The following KIAA0825 variants were observed in gnomAD, a reference collection of about 807,000 sequenced individuals.
The protein encoded by KIAA0825 is uncharacterized protein KIAA0825.
A neutral mutation model predicts 147.6 loss-of-function variants in KIAA0825; 119 were observed. That is an observed-to-expected ratio of 0.81 (90% CI 0.69 to 0.94). The LOEUF (loss-of-function observed/expected upper bound fraction) is 0.94. Ranked by LOEUF, KIAA0825 falls within the 40% of genes least tolerant of loss-of-function variation. The pLI is 0.00. For missense variants in KIAA0825, 1,381 were observed against 1,472.7 expected (o/e 0.94, Z 1.02); for synonymous variants, 470 against 518.1 (o/e 0.91, Z 1.26).
chr5:94,153,876 G>A lies in KIAA0825; in HGVS notation c.*131C>T, dbSNP rs2149898763. 2 of 614,584 alleles carry A rather than the reference G, an allele frequency of 3.3e-6. No homozygotes were observed. The highest frequency in any genetic ancestry group is 2.9e-6 in the Non-Finnish European group (1 of 342,946). 38.1% of individuals were successfully genotyped at this position (614,584 alleles called of 1,614,324 possible). A position where few individuals can be genotyped will look rare whatever the true frequency, so the allele number is the denominator to read the frequency against. ...CCTTTATGTGCTGTATTCCTTTTCA[G>A]TACAGAGATTACTCAGTCATTGGTT... is the stretch of plus-strand genomic sequence containing the variant. On this transcript the variant is annotated 3_prime_UTR_variant, in exon 21 of 21. Coordinates refer to ENST00000682413, the MANE Select transcript of KIAA0825 (RefSeq NM_001145678.3).
chr5:94,456,268 C>A (rs1354377586), intron 12 of KIAA0825, among the ~76,000 whole-genome samples: 1 of 152,148 alleles, frequency 6.6e-6, no homozygotes, highest in African/African-American at 2.4e-5. Flanking sequence ...CCACTTCATT[C>A]CTCTAAGAAT....
chr5:94,259,802 A>G (rs186218555), intron 20 of KIAA0825, among the ~76,000 whole-genome samples: 12 of 151,894 alleles, frequency 7.9e-5, no homozygotes, highest in African/African-American at 2.9e-4. Context: ...AAAATCTATC[A>G]TATAAATATA....
At position 94,473,420 on chromosome 5, in the gene KIAA0825, T is replaced by G; in HGVS notation, c.1327A>C (p.Ile443Leu). 1 of 1,552,028 alleles carries G rather than the reference T, an allele frequency of 6.4e-7. No homozygotes were observed. The highest frequency in any genetic ancestry group is 8.7e-7 in the Non-Finnish European group (1 of 1,147,054). ...CTTTCATTCTGTTCCTGTTGGAGAA[T>G]TTTTGTGGAAAAACCTTCAATTGCA... ...VTAIEGFSTK[I>L]LQQEQNERSS... The change falls in exon 8 of 21, where the codon ATT (isoleucine) becomes CTT (leucine). Residue 443 changes from isoleucine (I) to leucine (L), a missense_variant. Physicochemically the swap from Ile to Leu is conservative, Grantham distance 5. Coordinates refer to ENST00000682413, the MANE Select transcript of KIAA0825 (RefSeq NM_001145678.3).
intron 20 of KIAA0825, among the ~76,000 whole-genome samples, chr5:94,294,493 C>G (rs1283886312): frequency 6.6e-6 from 1 of 152,198 alleles, no homozygotes; most frequent in African/African-American, 2.4e-5. Flanking sequence ...TTTGGGAGGC[C>G]AAGGTGGGTG....
At chr5:94,499,686 G>C (rs765599310) in intron 5 of KIAA0825, among the ~76,000 whole-genome samples, 43 of 151,450 alleles carry the variant, frequency 2.8e-4, no homozygotes, top group Non-Finnish European at 5.4e-4. Context: ...AAGTCGTTTG[G>C]CTGGCTAGTA....
chr5:94,522,412 G>A (rs1768395544), intron 4 of KIAA0825, among the ~76,000 whole-genome samples: 1 of 151,602 alleles, frequency 6.6e-6, no homozygotes, highest in South Asian at 2.1e-4. Context: ...TCATACTGGT[G>A]CCTCTGCCTT....
At chr5:94,266,003 T>C (rs1357656277) in intron 20 of KIAA0825, among the ~76,000 whole-genome samples, 3 of 152,164 alleles carry the variant, frequency 2.0e-5, no homozygotes, top group Non-Finnish European at 2.9e-5. Context: ...AGAGGAAAAG[T>C]ACTTGTGTGA....
At chr5:94,175,115 C>T (rs926033685) in intron 20 of KIAA0825, among the ~76,000 whole-genome samples, 4 of 152,182 alleles carry the variant, frequency 2.6e-5, no homozygotes, top group Non-Finnish European at 5.9e-5. Flanking sequence ...TCTCAGATCA[C>T]TGGTACTTTC....
rs1489054257 is a variant in KIAA0825, at chr5:94,214,095, A to T, written c.3711-59971T>A. Among the ~76,000 whole-genome samples the T allele has an allele frequency of 2.6e-5, 4 of 152,094 alleles. No homozygotes were observed. The East Asian group carries it at 7.7e-4, about 29-fold the overall frequency. ...GGTCTCAAACTCCTGGCGTCAAGGG[A>T]TCCACCTGCATCAGCCTCCCAAAAT... On this transcript the variant is annotated intron_variant, in intron 20 of 20. Coordinates refer to ENST00000682413, the MANE Select transcript of KIAA0825 (RefSeq NM_001145678.3).
chr5:94,605,375 A>G (rs1226409790), intron 1 of KIAA0825, among the ~76,000 whole-genome samples: 1 of 152,172 alleles, frequency 6.6e-6, no homozygotes, highest in Middle Eastern at 3.2e-3. Flanking sequence ...AAACTATTTC[A>G]AAAAATTGAA....
chr5:94,598,504 T>C (rs1436547364), intron 1 of KIAA0825, among the ~76,000 whole-genome samples: 2 of 152,146 alleles, frequency 1.3e-5, no homozygotes, highest in African/African-American at 2.4e-5. Flanking sequence ...GGGAAGCTGT[T>C]AACTGTTTTA....
At chr5:94,491,342 T>C (rs1412813643) in intron 5 of KIAA0825, among the ~76,000 whole-genome samples, 1 of 152,118 alleles carries the variant, frequency 6.6e-6, no homozygotes, top group Non-Finnish European at 1.5e-5. Context: ...AATATTATAA[T>C]ATGAAGTCAG....
intron 4 of KIAA0825, among the ~76,000 whole-genome samples, chr5:94,523,535 G>A (rs989581302): frequency 6.6e-6 from 1 of 151,278 alleles, no homozygotes; most frequent in African/African-American, 2.4e-5. Flanking sequence ...CAATACATGG[G>A]GATCTTATTA....
chr5:94,201,391 TA>T (rs1463250885), intron 20 of KIAA0825, among the ~76,000 whole-genome samples: 1 of 151,838 alleles, frequency 6.6e-6, no homozygotes, highest in African/African-American at 2.4e-5. Context: ...GTTGTGTTAA[TA>T]AAAAACTATT....
At chr5:94,591,316 G>A (rs1784314229) in intron 1 of KIAA0825, among the ~76,000 whole-genome samples, 1 of 152,188 alleles carries the variant, frequency 6.6e-6, no homozygotes, top group Admixed American at 6.5e-5. Flanking sequence ...GTTTGCTCAA[G>A]AAACAATGAA....
At chr5:94,592,577 C>T (rs1487923992) in intron 1 of KIAA0825, among the ~76,000 whole-genome samples, 1 of 152,116 alleles carries the variant, frequency 6.6e-6, no homozygotes, top group Non-Finnish European at 1.5e-5. Context: ...TCTCTCATAA[C>T]CCCAGGAGCC....
chr5:94,315,710 TC>T (rs1162533457), intron 20 of KIAA0825, among the ~76,000 whole-genome samples: 4 of 151,708 alleles, frequency 2.6e-5, no homozygotes, highest in Non-Finnish European at 5.9e-5. Flanking sequence ...AATTATTATT[TC>T]CCCCAGTCAT....
At chr5:94,414,390 T>G (rs1753168587) in intron 15 of KIAA0825, 1 of 152,208 alleles carries the variant, frequency 6.6e-6, no homozygotes, top group East Asian at 1.9e-4. Context: ...TGATCTACTT[T>G]GAAAACATAG....
chr5:94,544,392 C>G (rs1773925978), intron 2 of KIAA0825, among the ~76,000 whole-genome samples: 1 of 152,198 alleles, frequency 6.6e-6, no homozygotes, highest in Non-Finnish European at 1.5e-5. Flanking sequence ...TCAGAGCCTT[C>G]CCTCCTTGAT....
Sources: allele counts gnomAD v4.1 joint callset (sites outside exome capture counted in the v4.1 genomes callset), GRCh38; gene constraint gnomAD v4.1.1; transcripts MANE v1.5; gene names NCBI Gene and HGNC (gene_info 2026-07-23, HGNC 2026-07-21).